Variants in TENM4 observed in about 807,000 individuals in gnomAD.
TENM4 encodes teneurin-4.
Under a neutral mutation model 243.3 loss-of-function variants are expected in TENM4, and 82 were observed. The ratio of observed to expected loss-of-function variants is 0.34; its 90% CI spans 0.28 to 0.40. The LOEUF (loss-of-function observed/expected upper bound fraction) is 0.40. TENM4 is among the 10% of genes least tolerant of loss of function. The pLI is 1.00. For missense variants in TENM4, 3,138 were observed against 3,673.3 expected (o/e 0.85, Z 3.77); for synonymous variants, 1,412 against 1,456.3 (o/e 0.97, Z 0.69).
At chr11:79,107,615 A>C (rs1861405195) in intron 4 of TENM4, among the ~76,000 whole-genome samples, 1 of 152,172 alleles carries the variant, frequency 6.6e-6, no homozygotes. Context: ...AATGGCTAAA[A>C]AAGATAATGA....
At position 78,889,926 on chromosome 11, in the gene TENM4, G is replaced by C. The variant is rs1303674624; in HGVS notation, c.943C>G (p.Pro315Ala). 2 of 1,551,748 alleles carry C rather than the reference G, an allele frequency of 1.3e-6. No homozygotes were observed. Among genetic ancestry groups the C allele is most frequent in the Non-Finnish European group, 1.7e-6 (2 of 1,147,022 alleles). The change falls in exon 9 of 34, where the codon CCC becomes GCC. Residue 315 changes from proline (P) to alanine (A), a missense_variant. Pro to Ala is a conservative substitution (Grantham distance 27). Around this residue, in one of 2 missense-constraint regions of TENM4, gnomAD observed 671 missense variants for 614.1 expected, o/e 1.09. Coordinates refer to ENST00000278550, the MANE Select transcript of TENM4 (RefSeq NM_001098816.3). ...AAGGTGCTGCGGGGCAGGGGTCGGG[G>C]CGGAGGAGAGTACACTGTGCTGGAC... is the stretch of plus-strand genomic sequence containing the variant. ...LTSSTVYSPP[P>A]RPLPRSTFAR...
chr11:79,267,346 A>G (rs1444353749), intron 2 of TENM4, among the ~76,000 whole-genome samples: 1 of 152,202 alleles, frequency 6.6e-6, no homozygotes, highest in African/African-American at 2.4e-5. Flanking sequence ...TGTGGAGGCC[A>G]TTTACCCTGT....
At chr11:79,182,725 A>G (rs1376837765) in intron 3 of TENM4, among the ~76,000 whole-genome samples, 1 of 152,214 alleles carries the variant, frequency 6.6e-6, no homozygotes, top group Non-Finnish European at 1.5e-5. Flanking sequence ...GTTCAACAAT[A>G]AGAAAACAAC....
intron 18 of TENM4, among the ~76,000 whole-genome samples, chr11:78,769,570 C>G (rs1036291051): frequency 1.3e-5 from 2 of 152,198 alleles, no homozygotes; most frequent in Non-Finnish European, 2.9e-5. Context: ...AAAATAAGAA[C>G]TCTGGATATT....
chr11:78,799,594 G>A (rs1391370348), intron 15 of TENM4, among the ~76,000 whole-genome samples: 1 of 152,244 alleles, frequency 6.6e-6, no homozygotes, highest in African/African-American at 2.4e-5. Flanking sequence ...CAAGGCAGGT[G>A]TCATTAGCCA....
intron 1 of TENM4, among the ~76,000 whole-genome samples, chr11:79,325,794 C>T (rs1017463758): frequency 6.6e-5 from 10 of 152,316 alleles, no homozygotes; most frequent in Admixed American, 3.9e-4. Flanking sequence ...CATGTCTCCA[C>T]GAGAACACAC....
intron 1 of TENM4, among the ~76,000 whole-genome samples, chr11:79,335,240 C>T (rs1175364935): frequency 3.3e-5 from 5 of 152,226 alleles, no homozygotes; most frequent in African/African-American, 7.2e-5. Flanking sequence ...CCTGACAGGT[C>T]TCCCGCCACC....
intron 4 of TENM4, among the ~76,000 whole-genome samples, chr11:79,136,035 G>C (rs757976674): frequency 5.3e-5 from 8 of 151,794 alleles, no homozygotes; most frequent in South Asian, 2.1e-4. Context: ...GGAACTTATG[G>C]GGAAGAGTGG....
intron 6 of TENM4, among the ~76,000 whole-genome samples, chr11:78,968,021 G>A (rs1857471922): frequency 6.6e-6 from 1 of 152,210 alleles, no homozygotes; most frequent in African/African-American, 2.4e-5. Flanking sequence ...TCACATGGGT[G>A]GATCTTTATG....
chr11:78,722,344 C>T (rs540873721), intron 24 of TENM4, among the ~76,000 whole-genome samples: 1 of 152,330 alleles, frequency 6.6e-6, no homozygotes, highest in South Asian at 2.1e-4. Flanking sequence ...GTTCATGTGA[C>T]TCATTCTAAT....
intron 1 of TENM4, among the ~76,000 whole-genome samples, chr11:79,387,922 T>C (rs1409429941): frequency 6.6e-6 from 1 of 152,224 alleles, no homozygotes; most frequent in African/African-American, 2.4e-5. Flanking sequence ...GAAGGATTGC[T>C]TGAGCCCAAG....
At chr11:79,432,597 T>C (rs540797253) in intron 1 of TENM4, among the ~76,000 whole-genome samples, 286 of 152,284 alleles carry the variant, frequency 1.9e-3, no homozygotes, top group Middle Eastern at 6.8e-3. Context: ...GTTTGATGAG[T>C]AAATTAATAA....
intron 9 of TENM4, among the ~76,000 whole-genome samples, chr11:78,876,894 A>G (rs188093646): frequency 6.6e-6 from 1 of 152,304 alleles, no homozygotes; most frequent in African/African-American, 2.4e-5. Flanking sequence ...AAGGGTTTAA[A>G]ATCTCCTGGT....
At chr11:78,971,937 A>G (rs1161676451) in intron 6 of TENM4, among the ~76,000 whole-genome samples, 1 of 152,218 alleles carries the variant, frequency 6.6e-6, no homozygotes, top group Non-Finnish European at 1.5e-5. Flanking sequence ...AGGATATAAA[A>G]AGAGCATGAT....
At chr11:78,676,908 G>T (rs1365800293) in intron 29 of TENM4, among the ~76,000 whole-genome samples, 1 of 152,138 alleles carries the variant, frequency 6.6e-6, no homozygotes, top group African/African-American at 2.4e-5. Flanking sequence ...CATATTGTCT[G>T]ACTCCACTTA....
rs115815839 is a variant in TENM4, at chr11:79,323,817, G to T, written c.-320-26274C>A. Among the ~76,000 whole-genome samples, 134 of 152,194 alleles carry T rather than the reference G, an allele frequency of 8.8e-4. 1 individual carries two copies. The highest frequency in any genetic ancestry group is 3.0e-3 in the African/African-American group (124 of 41,522). On this transcript the variant is annotated intron_variant, in intron 1 of 33. Coordinates refer to ENST00000278550, the MANE Select transcript of TENM4 (RefSeq NM_001098816.3). ...GCCCTGCACTGCAGATTTTGGACTT[G>T]CCAGTTCCTACAATCGTGTGAGTCA...
intron 29 of TENM4, 139 bp downstream of exon 29, chr11:78,687,915 T>G: frequency 1.0e-6 from 1 of 982,154 alleles, no homozygotes; most frequent in Non-Finnish European, 1.5e-6. Flanking sequence ...ATTTTGCAAA[T>G]TAGGTGATAA....
intron 4 of TENM4, among the ~76,000 whole-genome samples, chr11:79,094,060 A>G (rs1861022050): frequency 6.6e-6 from 1 of 152,230 alleles, no homozygotes; most frequent in Non-Finnish European, 1.5e-5. Context: ...TAGAGACTGT[A>G]GACATAGCCC....
At chr11:79,277,050 G>A (rs1389268740) in intron 2 of TENM4, among the ~76,000 whole-genome samples, 1 of 152,118 alleles carries the variant, frequency 6.6e-6, no homozygotes, top group African/African-American at 2.4e-5. Context: ...TTTTTTGGCT[G>A]TGCTGGTGGG....
Sources: allele counts gnomAD v4.1 joint callset (sites outside exome capture counted in the v4.1 genomes callset), GRCh38; gene constraint gnomAD v4.1.1; regional missense constraint gnomAD v4.1.1; transcripts MANE v1.5; gene names NCBI Gene and HGNC (gene_info 2026-07-23, HGNC 2026-07-21).